The following KDM2A variants were observed in gnomAD, a reference collection of about 807,000 sequenced individuals.
The protein encoded by KDM2A is lysine demethylase 2A, also known as lysine-specific demethylase 2A.
KDM2A carries 3 observed loss-of-function variants against 137.3 expected under a neutral mutation model. The observed-to-expected ratio is 0.02, with a 90% CI of 0.01 to 0.06. The LOEUF is 0.06. KDM2A is among the 10% of genes least tolerant of loss of function. KDM2A has a pLI of 1.00. For synonymous variants in KDM2A, 512 were observed against 541.5 expected (o/e 0.95, Z 0.76); for missense variants, 738 against 1,510.6 (o/e 0.49, Z 8.48).
chr11:67,189,883 T>C (rs1017633062), intron 5 of KDM2A, among the ~76,000 whole-genome samples: 9 of 151,844 alleles, frequency 5.9e-5, no homozygotes, highest in Non-Finnish European at 8.8e-5. Flanking sequence ...GAAGAGAAAC[T>C]TAAAATCAAC....
At chr11:67,235,913 C>T (rs575504828) in intron 12 of KDM2A, among the ~76,000 whole-genome samples, 11 of 152,248 alleles carry the variant, frequency 7.2e-5, no homozygotes, top group Admixed American at 4.6e-4. Context: ...CCACTGCGCC[C>T]GGCCAAGATA....
intron 10 of KDM2A, among the ~76,000 whole-genome samples, chr11:67,226,043 C>T (rs1475017391): frequency 6.7e-6 from 1 of 149,904 alleles, no homozygotes; most frequent in African/African-American, 2.5e-5. Flanking sequence ...CCAGCCTGGG[C>T]AACAAGAACA....
intron 12 of KDM2A, among the ~76,000 whole-genome samples, chr11:67,235,390 C>T (rs1237570270): frequency 5.3e-5 from 8 of 151,022 alleles, no homozygotes; most frequent in African/African-American, 2.0e-4. Context: ...CCACAACCTC[C>T]ACCTCCCAGG....
intron 7 of KDM2A, 50 bp downstream of exon 7, chr11:67,215,496 C>A: frequency 3.3e-6 from 4 of 1,213,432 alleles, no homozygotes; most frequent in South Asian, 1.2e-5. Context: ...GAGACCAAAG[C>A]AATAGCAAGG....
chr11:67,125,381 G>A lies in KDM2A; in HGVS notation c.42+4023G>A, dbSNP rs562224765. Among the ~76,000 whole-genome samples, 9 of 151,686 alleles carry A rather than the reference G, an allele frequency of 5.9e-5. No homozygotes were observed. The East Asian group carries it at 1.4e-3, about 23-fold the overall frequency. On this transcript the variant is annotated intron_variant, in intron 2 of 20. Coordinates refer to ENST00000529006, the MANE Select transcript of KDM2A (RefSeq NM_012308.3). ...TTTTTTGTAGAGGTGGGGTTTTGCC[G>A]TGTTCCCAAGGCTAGTCTTGAACTC...
chr11:67,172,515 G>GT (rs917966790), intron 2 of KDM2A, among the ~76,000 whole-genome samples: 4 of 150,046 alleles, frequency 2.7e-5, no homozygotes, highest in East Asian at 2.0e-4. Flanking sequence ...TTATTCCTTA[G>GT]TTTTTTTTAT....
At chr11:67,121,188 A>G in intron 1 of KDM2A, 46 bp from the exon 2 acceptor site, 2 of 703,758 alleles carry the variant, frequency 2.8e-6, no homozygotes, top group Non-Finnish European at 5.0e-6. Context: ...AGAAAGCACA[A>G]GTTTGAGAAT....
At chr11:67,179,435 A>T (rs1170930560) in intron 2 of KDM2A, among the ~76,000 whole-genome samples, 1 of 151,998 alleles carries the variant, frequency 6.6e-6, no homozygotes, top group African/African-American at 2.4e-5. Context: ...CACTACGCCC[A>T]GCTTATTTTG....
chr11:67,230,417 C>T (rs1858674758), intron 11 of KDM2A, among the ~76,000 whole-genome samples: 1 of 152,054 alleles, frequency 6.6e-6, no homozygotes, highest in South Asian at 2.1e-4. Context: ...CACCTAAGTC[C>T]AAGAGGTTGA....
Position 67,181,433 on chromosome 11 carries a change from A to C in KDM2A, c.260+35A>C, listed in dbSNP as rs78354165. On this transcript the variant is annotated intron_variant, in intron 4 of 20. Coordinates refer to ENST00000529006, the MANE Select transcript of KDM2A (RefSeq NM_012308.3). ...TTCAGCCTGGCTGGATGTAGTTGCA[A>C]AATGGCCTCGTTACACCCAGGGCAA... The C allele has an allele frequency of 7.7e-4, 1,145 of 1,480,394 alleles. 8 individuals carry two copies. The African/African-American group carries it at 0.014, about 18-fold the overall frequency. 91.7% of individuals were successfully genotyped at this position (1,480,394 alleles called of 1,614,324 possible).
intron 5 of KDM2A, among the ~76,000 whole-genome samples, chr11:67,188,619 C>A (rs986185563): frequency 6.6e-6 from 1 of 151,538 alleles, no homozygotes; most frequent in African/African-American, 2.4e-5. Context: ...GGTGAGACCT[C>A]GTCTCTACCA....
At chr11:67,179,229 A>G (rs1169279593) in intron 2 of KDM2A, among the ~76,000 whole-genome samples, 9 of 152,114 alleles carry the variant, frequency 5.9e-5, no homozygotes, top group African/African-American at 1.9e-4. Context: ...TTAAAACTAA[A>G]TATTGATGGT....
At position 67,254,662 on chromosome 11, in the gene KDM2A, C is replaced by T. The variant is rs1437110476; in HGVS notation, c.3308-212C>T. 1.3e-5 allele frequency among the ~76,000 whole-genome samples: 2 copies of T among 152,198 alleles called. No individual in the cohort carries two copies. Among genetic ancestry groups the T allele is most frequent in the Non-Finnish European group, 2.9e-5 (2 of 68,032 alleles). On this transcript the variant is annotated intron_variant, in intron 20 of 20. Transcript: ENST00000529006. The surrounding 1 kb of genome is among the most constrained non-coding windows in gnomAD (Gnocchi z 4.7). The stretch of plus-strand genomic sequence containing the variant: ...TCCAGCTGGAGTTTGGTCAGCCTTG[C>T]AGCCCTTGTGCTTGTTGTCATATGG...
chr11:67,193,498 A>G (rs562497986), intron 5 of KDM2A, among the ~76,000 whole-genome samples: 1 of 152,336 alleles, frequency 6.6e-6, no homozygotes, highest in East Asian at 1.9e-4. Flanking sequence ...TTAAAAGTTA[A>G]TACACATAAA....
At chr11:67,139,351 T>C (rs1296937980) in intron 2 of KDM2A, among the ~76,000 whole-genome samples, 3 of 152,026 alleles carry the variant, frequency 2.0e-5, no homozygotes, top group African/African-American at 4.8e-5. Flanking sequence ...TTCAAATGAT[T>C]CTCCTGCCTG....
At chr11:67,140,811 G>A (rs1856083226) in intron 2 of KDM2A, among the ~76,000 whole-genome samples, 1 of 152,054 alleles carries the variant, frequency 6.6e-6, no homozygotes, top group Non-Finnish European at 1.5e-5. Context: ...TCTGTCTCTA[G>A]TAGCATATTT....
intron 5 of KDM2A, chr11:67,197,141 TATATC>T (rs1201168263): frequency 7.2e-5 from 11 of 152,044 alleles, no homozygotes; most frequent in Non-Finnish European, 1.3e-4. Context: ...AAATAGCAAT[TATATC>T]TAACCTAACA....
chr11:67,121,494 G>A, intron 2 of KDM2A, 136 bp downstream of exon 2: 1 of 730,066 alleles, frequency 1.4e-6, no homozygotes, highest in Non-Finnish European at 2.3e-6. Context: ...GAGGGGGAAA[G>A]GTGTATTAAT....
rs533403094 is a variant in KDM2A, at chr11:67,242,304, G to C, written c.1480-705G>C. Among the ~76,000 whole-genome samples the C allele has an allele frequency of 3.5e-3, 522 of 151,028 alleles. 6 individuals carry two copies. Among genetic ancestry groups the C allele is most frequent in the Non-Finnish European group, 5.3e-3 (356 of 67,574 alleles). ...TGTGTGTGTGTGTGTGTGTGTGTGT[G>C]AGAGAGAGAGAGAAAGAAAGAGATT... On this transcript the variant is annotated intron_variant, in intron 12 of 20. Coordinates refer to ENST00000529006, the MANE Select transcript of KDM2A (RefSeq NM_012308.3).
Sources: gnomAD v4.1 joint callset for allele counts (sites outside exome capture counted in the v4.1 genomes callset) on GRCh38, gnomAD v4.1.1 for gene constraint, Gnocchi (gnomAD v3.1) non-coding constraint, MANE v1.5 for transcripts, NCBI Gene and HGNC (gene_info 2026-07-23, HGNC 2026-07-21) for gene names.